Variants in TMC3 observed in about 807,000 individuals in gnomAD.
TMC3 encodes the protein transmembrane channel like 3, also known as transmembrane channel-like protein 3.
Under a neutral mutation model 110.6 loss-of-function variants are expected in TMC3, and 98 were observed. The ratio of observed to expected loss-of-function variants is 0.89; its 90% confidence interval spans 0.75 to 1.05. The LOEUF (loss-of-function observed/expected upper bound fraction) is 1.05, where lower values mean the gene tolerates loss of function less well. TMC3 is among the 50% of genes least tolerant of loss of function. The pLI is 0.00. For synonymous variants in TMC3, 489 were observed against 513.1 expected (o/e 0.95, Z 0.63); for missense variants, 1,319 against 1,373.2 (o/e 0.96, Z 0.62).
At position 81,337,972 on chromosome 15, in the gene TMC3, C is replaced by T. The variant is rs368192416; in HGVS notation, c.2082-48G>A. 1.6e-5 allele frequency: 23 copies of T among 1,483,386 alleles called. No homozygotes were observed. The African/African-American group carries it at 2.6e-4, about 17-fold the overall frequency. 91.9% of individuals were successfully genotyped at this position (1,483,386 alleles called of 1,614,324 possible). On this transcript the variant is annotated intron_variant, in intron 18 of 21. Transcript: ENST00000359440. The stretch of plus-strand genomic sequence containing the variant: ...AATGAGTGGACTGCAACTCGCTTTT[C>T]TGCTTTTCAGACCACATTCCCTGCA...
chr15:81,372,216 C>T (rs967340692), intron 2 of TMC3, among the ~76,000 whole-genome samples: 3 of 151,524 alleles, frequency 2.0e-5, no homozygotes, highest in African/African-American at 7.3e-5. Flanking sequence ...GTGAGCGAGA[C>T]GAGCTTGGAG....
At chr15:81,363,027 C>T (rs1339293951) in intron 3 of TMC3, among the ~76,000 whole-genome samples, 4 of 152,146 alleles carry the variant, frequency 2.6e-5, no homozygotes, top group Non-Finnish European at 4.4e-5. Context: ...GAGGCCAAGA[C>T]GGGCAGATCA....
chr15:81,352,484 A>G (rs1893972024), intron 9 of TMC3, among the ~76,000 whole-genome samples: 1 of 152,248 alleles, frequency 6.6e-6, no homozygotes, highest in Non-Finnish European at 1.5e-5. Context: ...GTATAAAAGT[A>G]TAGTACATAC....
intron 2 of TMC3, among the ~76,000 whole-genome samples, chr15:81,370,463 G>A (rs1894409837): frequency 6.6e-6 from 1 of 152,280 alleles, no homozygotes; most frequent in East Asian, 1.9e-4. Flanking sequence ...CACATGGCCG[G>A]TGTCAGCCAT....
In TMC3 at chr15:81,344,977, A is replaced by G. The variant is rs750598872; in HGVS notation, c.1307T>C (p.Ile436Thr). ...MATKNNTSHWIDSTTFFATRT... is the reference protein window; with the variant it reads ...MATKNNTSHWTDSTTFFATRT... The stretch of plus-strand genomic sequence containing the variant: ...GGTTGCAAAGAAGGTGGTGGAATCT[A>G]TCCAATGACTTGTGTTATTTTTGGT... Residue 436 changes from isoleucine (I) to threonine (T), a missense_variant, in exon 13 of 22, where the codon ATA becomes ACA. Transcript: ENST00000359440. The G allele has an allele frequency of 2.5e-6, 4 of 1,597,798 alleles. No homozygotes were observed. The highest frequency in any genetic ancestry group is 3.4e-6 in the Non-Finnish European group (4 of 1,171,808).
intron 17 of TMC3, 123 bp downstream of exon 17, chr15:81,339,271 C>A (rs764605039): frequency 2.7e-6 from 2 of 733,506 alleles, no homozygotes; most frequent in Non-Finnish European, 4.6e-6. Context: ...TTAAAACATG[C>A]GGGTTTGCAA....
intron 19 of TMC3, 175 bp downstream of exon 19, chr15:81,337,671 G>A: frequency 1.5e-6 from 1 of 650,250 alleles, no homozygotes. Context: ...GCCATCCCTG[G>A]GTATTCTTAG....
chr15:81,363,648 C>A (rs1894241459), intron 3 of TMC3, among the ~76,000 whole-genome samples: 1 of 152,160 alleles, frequency 6.6e-6, no homozygotes. Flanking sequence ...ACAGCCACTC[C>A]CATGAACACA....
intron 21 of TMC3, among the ~76,000 whole-genome samples, chr15:81,334,349 CATAAATGGTCTTGCCAATA>C (rs1393706684): frequency 6.6e-6 from 1 of 152,160 alleles, no homozygotes; most frequent in Non-Finnish European, 1.5e-5. Context: ...CCATGTAATG[CATAAATGGTCTTGCCAATA>C]ACTTGACCAG....
At chr15:81,337,823 A>G (rs1250639659) in intron 19 of TMC3, 23 bp downstream of exon 19, 1 of 1,597,912 alleles carries the variant, frequency 6.3e-7, no homozygotes, top group South Asian at 1.1e-5. Context: ...TATTCATAAT[A>G]GCAAAGTTCA....
chr15:81,355,271 A>G (rs1894034500), intron 9 of TMC3, among the ~76,000 whole-genome samples: 1 of 152,104 alleles, frequency 6.6e-6, no homozygotes, highest in Non-Finnish European at 1.5e-5. Context: ...TTTCCCTTTC[A>G]TTAGTTCTCT....
At chr15:81,368,397 A>C (rs1411061354) in intron 2 of TMC3, 69 bp from the exon 3 acceptor site, 1 of 1,224,876 alleles carries the variant, frequency 8.2e-7, no homozygotes, top group Non-Finnish European at 1.2e-6. Context: ...AATGTGTAAA[A>C]ATGCAACAGG....
At chr15:81,342,135 A>G (rs112425918) in intron 15 of TMC3, among the ~76,000 whole-genome samples, 201 of 152,336 alleles carry the variant, frequency 1.3e-3, no homozygotes, top group Non-Finnish European at 1.8e-3. Flanking sequence ...AGATCATCCC[A>G]GGGAAGCTGG....
In TMC3 at chr15:81,332,519, C is replaced by A. The variant is rs1050043437; in HGVS notation, c.3203G>T (p.Gly1068Val). Reference sequence around the variant, plus strand: ...CTGGCCCACGGACCTCGGGAACCTGCCCTGGCTGTGGGTGACCTGCAGGTA... The same window carrying A: ...CTGGCCCACGGACCTCGGGAACCTGACCTGGCTGTGGGTGACCTGCAGGTA... ...DQYLQVTHSQGRFPRSVGQPS... is the reference protein window; with the variant it reads ...DQYLQVTHSQVRFPRSVGQPS... The change falls in exon 22 of 22, where the codon GGC becomes GTC. Residue 1068 changes from glycine (G) to valine (V), a missense_variant. Physicochemically the swap from Gly to Val is moderately radical, Grantham distance 109. Coordinates refer to ENST00000359440, the MANE Select transcript of TMC3 (RefSeq NM_001080532.3). 1.2e-6 allele frequency: 2 copies of A among 1,613,740 alleles called. No homozygotes were observed. Among genetic ancestry groups the A allele is most frequent in the Non-Finnish European group, 1.7e-6 (2 of 1,179,814 alleles).
intron 9 of TMC3, among the ~76,000 whole-genome samples, chr15:81,353,592 G>A (rs889859122): frequency 1.3e-5 from 2 of 152,204 alleles, no homozygotes; most frequent in South Asian, 4.1e-4. Flanking sequence ...AATTGCCTAC[G>A]GTATTTAATA....
Position 81,332,035 on chromosome 15 carries a change from G to T in TMC3, c.*384C>A. 5.7e-6 allele frequency: 1 copy of T among 175,668 alleles called. No homozygotes were observed. The highest frequency in any genetic ancestry group is 1.2e-5 in the Non-Finnish European group (1 of 83,256). The allele number at this position is 175,668 out of a possible 1,614,324, so 10.9% of individuals were successfully genotyped here. A position where few individuals can be genotyped will look rare whatever the true frequency, so the allele number is the denominator to read the frequency against. On this transcript the variant is annotated 3_prime_UTR_variant, in exon 22 of 22. Transcript: ENST00000359440. ...TGGCCCTCTACTAAGTATGTTTTAC[G>T]TTCTTTCATTCCTGCTTTAAAGCTT... is the stretch of plus-strand genomic sequence containing the variant.
At chr15:81,370,621 A>G (rs1954294665) in intron 2 of TMC3, among the ~76,000 whole-genome samples, 1 of 152,130 alleles carries the variant, frequency 6.6e-6, no homozygotes, top group African/African-American at 2.4e-5. Context: ...TGTTATTCAG[A>G]TAACAATTGA....
In TMC3 at chr15:81,333,035, T is replaced by A. The variant is rs200115872; in HGVS notation, c.2687A>T (p.Tyr896Phe). The change falls in exon 22 of 22, where the codon TAC becomes TTC. Residue 896 changes from tyrosine to phenylalanine, a missense_variant. Physicochemically the swap from Tyr to Phe is conservative, Grantham distance 22. Transcript: ENST00000359440. ...RYYVINECDSYKKKHLNVWPE... is the reference protein window; with the variant it reads ...RYYVINECDSFKKKHLNVWPE... ...CCAGACATTTAGATGTTTTTTCTTG[T>A]AAGAGTCACATTCATTAATGACATA... The A allele has an allele frequency of 4.2e-5, 67 of 1,613,778 alleles. 1 individual carries two copies. In the South Asian group the frequency reaches 6.5e-4, roughly 16 times the overall value.
In TMC3 at chr15:81,334,708, G is replaced by A; in HGVS notation, c.2459+12C>T. The A allele has an allele frequency of 6.2e-7, 1 of 1,611,938 alleles. No homozygotes were observed. Among genetic ancestry groups the A allele is most frequent in the Non-Finnish European group, 8.5e-7 (1 of 1,178,380 alleles). On this transcript the variant is annotated intron_variant, in intron 21 of 21. Transcript: ENST00000359440. ...ATTCCAGGTTTTAATCTGTGCTGCAGTGGAGCCTCACCTGTTAGTTTCATG... is the reference window on the plus strand; with the variant it reads ...ATTCCAGGTTTTAATCTGTGCTGCAATGGAGCCTCACCTGTTAGTTTCATG...
Sources: allele counts gnomAD v4.1 joint callset (sites outside exome capture counted in the v4.1 genomes callset), GRCh38; gene constraint gnomAD v4.1.1; transcripts MANE v1.5; gene names NCBI Gene and HGNC (gene_info 2026-07-23, HGNC 2026-07-21).